Variants in ITGBL1 observed in about 807,000 individuals in gnomAD.
ITGBL1 encodes the protein integrin subunit beta like 1.
Under a neutral mutation model 68.5 loss-of-function variants are expected in ITGBL1, and 51 were observed. That is an observed-to-expected ratio of 0.74 (90% confidence interval 0.59 to 0.94). The LOEUF is 0.94. Ranked by LOEUF, ITGBL1 falls within the 40% of genes least tolerant of loss-of-function variation. The pLI is 0.00. For synonymous variants in ITGBL1, 209 were observed against 227.3 expected (o/e 0.92, Z 0.72); for missense variants, 649 against 647.4 (o/e 1.00, Z -0.03).
At chr13:101,695,879 T>C (rs1398077103) in intron 8 of ITGBL1, among the ~76,000 whole-genome samples, 1 of 152,192 alleles carries the variant, frequency 6.6e-6, no homozygotes, top group African/African-American at 2.4e-5. Context: ...TTGGAAGAGA[T>C]GATGAATTGA....
At chr13:101,569,989 G>A (rs2050247317) in intron 3 of ITGBL1, among the ~76,000 whole-genome samples, 2 of 152,066 alleles carry the variant, frequency 1.3e-5, no homozygotes, top group African/African-American at 2.4e-5. Context: ...TTTAACATCC[G>A]CTGATGACAA....
chr13:101,521,617 T>C (rs2049286039), intron 2 of ITGBL1, among the ~76,000 whole-genome samples: 1 of 152,018 alleles, frequency 6.6e-6, no homozygotes, highest in East Asian at 2.0e-4. Context: ...TGGAGTCTCA[T>C]CGAACCAGCT....
rs34627046 is a variant in ITGBL1, at chr13:101,689,211, T to TAAAAAAAAAAAAAAA, written c.1016-3366_1016-3352dup. 1.1e-3 allele frequency among the ~76,000 whole-genome samples: 84 copies of TAAAAAAAAAAAAAAA among 74,862 alleles called. 4 individuals are homozygous for TAAAAAAAAAAAAAAA. The highest frequency in any genetic ancestry group is 3.6e-3 in the East Asian group (3 of 832). 49.1% of individuals were successfully genotyped at this position (74,862 alleles called of 152,430 possible). A position where few individuals can be genotyped will look rare whatever the true frequency, so the allele number is the denominator to read the frequency against. On this transcript the variant is annotated intron_variant, in intron 7 of 10. Transcript: ENST00000376180. ...CCTGGGGACAGAGCAAGACTCTGCC[T>TAAAAAAAAAAAAAAA]AAAAAAAAAAAAAAAAAAAAAATTA...
intron 7 of ITGBL1, among the ~76,000 whole-genome samples, chr13:101,673,858 G>A (rs2033436339): frequency 6.6e-6 from 1 of 152,084 alleles, no homozygotes; most frequent in African/African-American, 2.4e-5. Context: ...TGGCTAAAGG[G>A]TTTCATACTG....
intron 7 of ITGBL1, among the ~76,000 whole-genome samples, chr13:101,640,125 G>T (rs1001607283): frequency 6.6e-6 from 1 of 152,076 alleles, no homozygotes; most frequent in African/African-American, 2.4e-5. Context: ...TCAACTTTCA[G>T]AAAGACAAGA....
intron 8 of ITGBL1, among the ~76,000 whole-genome samples, chr13:101,700,452 T>C (rs576342700): frequency 8.8e-4 from 134 of 152,332 alleles, no homozygotes; most frequent in African/African-American, 3.0e-3. Flanking sequence ...ACTTTTCACT[T>C]GGAAAACAGC....
At position 101,596,493 on chromosome 13, in the gene ITGBL1, TGTG is replaced by T. The variant is rs764888183; in HGVS notation, c.869-1657_869-1655del. On this transcript the variant is annotated intron_variant, in intron 6 of 10. Transcript: ENST00000376180. ...TGATGGATATGTTTATTATCTTGGT[TGTG>T]GTAATCATTTCACAATGCATATGCA... Among the ~76,000 whole-genome samples the T allele has an allele frequency of 5.3e-5, 8 of 152,328 alleles. 1 individual carries two copies. Among genetic ancestry groups the T allele is most frequent in the Admixed American group, 3.3e-4 (5 of 15,304 alleles).
At chr13:101,601,912 A>T (rs2030407851) in intron 7 of ITGBL1, among the ~76,000 whole-genome samples, 1 of 152,068 alleles carries the variant, frequency 6.6e-6, no homozygotes, top group South Asian at 2.1e-4. Flanking sequence ...TCTTAATTTA[A>T]AAAACAGCTG....
chr13:101,537,908 A>G (rs889490302), intron 2 of ITGBL1, among the ~76,000 whole-genome samples: 7 of 152,066 alleles, frequency 4.6e-5, no homozygotes, highest in Non-Finnish European at 8.8e-5. Context: ...CAATAATTTC[A>G]TGAAGAACTG....
intron 7 of ITGBL1, among the ~76,000 whole-genome samples, chr13:101,676,604 A>G (rs1055335298): frequency 6.6e-6 from 1 of 152,142 alleles, no homozygotes. Context: ...TTTGGATAGA[A>G]GGTAGAAGTC....
At chr13:101,485,103 G>A (rs1254768723) in intron 2 of ITGBL1, among the ~76,000 whole-genome samples, 3 of 152,132 alleles carry the variant, frequency 2.0e-5, no homozygotes, top group Non-Finnish European at 2.9e-5. Context: ...AAACCTAGAA[G>A]TCTAAACTCA....
At chr13:101,468,967 A>G (rs955487715) in intron 2 of ITGBL1, among the ~76,000 whole-genome samples, 4 of 152,246 alleles carry the variant, frequency 2.6e-5, no homozygotes, top group Non-Finnish European at 5.9e-5. Flanking sequence ...TAAAAGTGAA[A>G]GAAAAGGTAG....
downstream of ITGBL1, chr13:101,718,301 T>G (rs1308887600): frequency 6.6e-6 from 1 of 152,134 alleles, no homozygotes; most frequent in Non-Finnish European, 1.5e-5. Context: ...AAGAAGTGAT[T>G]GAATTTAGAT....
At chr13:101,691,882 GT>G (rs1267513012) in intron 7 of ITGBL1, among the ~76,000 whole-genome samples, 10 of 152,254 alleles carry the variant, frequency 6.6e-5, no homozygotes, top group African/African-American at 1.9e-4. Context: ...ATGAAATGAT[GT>G]CATGCAGGGA....
At chr13:101,510,384 C>A (rs933477088) in intron 2 of ITGBL1, among the ~76,000 whole-genome samples, 2 of 151,960 alleles carry the variant, frequency 1.3e-5, no homozygotes, top group Non-Finnish European at 2.9e-5. Context: ...TATATATGTA[C>A]CATATTTTCT....
At position 101,715,621 on chromosome 13, in the gene ITGBL1, A is replaced by G. The variant is rs1297172400; in HGVS notation, c.1452A>G (p.Ala484=). 2 of 1,613,340 alleles carry G rather than the reference A, an allele frequency of 1.2e-6. No homozygotes were observed. The highest frequency in any genetic ancestry group is 1.3e-5 in the African/African-American group (1 of 74,904). ...GCTGGGATGGATGGAATGGAAATGCATGTGAAATCTGGCTTGGCTCAGAAT... is the reference window on the plus strand; with the variant it reads ...GCTGGGATGGATGGAATGGAAATGCGTGTGAAATCTGGCTTGGCTCAGAAT... ...CECWDGWNGN[A]CEIWLGSEYP is the part of the protein sequence containing the mutation. The change falls in exon 11 of 11, where the codon GCA becomes GCG. Residue 484 remains alanine (A), a synonymous_variant. Coordinates refer to ENST00000376180, the MANE Select transcript of ITGBL1 (RefSeq NM_004791.3).
At chr13:101,530,686 A>T (rs1215886320) in intron 2 of ITGBL1, among the ~76,000 whole-genome samples, 1 of 152,220 alleles carries the variant, frequency 6.6e-6, no homozygotes, top group Admixed American at 6.5e-5. Flanking sequence ...TATGTTTGGT[A>T]ATTTACATAT....
At chr13:101,589,285 T>C (rs750950803) in intron 6 of ITGBL1, among the ~76,000 whole-genome samples, 1 of 152,210 alleles carries the variant, frequency 6.6e-6, no homozygotes, top group Non-Finnish European at 1.5e-5. Context: ...TTCTATGATA[T>C]ACAGTAAGAT....
intron 2 of ITGBL1, among the ~76,000 whole-genome samples, chr13:101,496,012 C>T (rs1462935560): frequency 6.6e-6 from 1 of 152,084 alleles, no homozygotes; most frequent in Non-Finnish European, 1.5e-5. Context: ...CTTTAATTTT[C>T]CCACCAGCTT....
Sources: gnomAD v4.1 joint callset for allele counts (sites outside exome capture counted in the v4.1 genomes callset) on GRCh38, gnomAD v4.1.1 for gene constraint, MANE v1.5 for transcripts, NCBI Gene and HGNC (gene_info 2026-07-23, HGNC 2026-07-21) for gene names.